Variants in EDRF1 observed in about 807,000 individuals in gnomAD.
EDRF1 encodes erythroid differentiation-related factor 1.
A neutral mutation model predicts 148.7 loss-of-function variants in EDRF1; 69 were observed. The observed-to-expected ratio is 0.46, with a 90% CI of 0.38 to 0.57. The LOEUF is 0.57. EDRF1 is among the 20% of genes least tolerant of loss of function. The pLI is 0.00. For synonymous variants in EDRF1, 515 were observed against 532.8 expected, an observed-to-expected ratio of 0.97 and a Z score of 0.46; for missense variants, 1,118 against 1,478.7, an observed-to-expected ratio of 0.76 and a Z score of 4.00.
At chr10:125,736,069 G>A (rs1049702849) in intron 13 of EDRF1, among the ~76,000 whole-genome samples, 165 bp downstream of exon 13, 1 of 152,062 alleles carries the variant, frequency 6.6e-6, no homozygotes, top group African/African-American at 2.4e-5. Flanking sequence ...ATAATTGTTC[G>A]AGGGTAACTG....
chr10:125,719,941 G>T, intron 1 of EDRF1, 26 bp downstream of exon 1: 2 of 1,598,830 alleles, frequency 1.3e-6, no homozygotes, highest in South Asian at 1.1e-5. Context: ...AGGGGGACCT[G>T]CCAGGGATGT....
At position 125,721,059 on chromosome 10, in the gene EDRF1, C is replaced by G. The variant is rs777555809; in HGVS notation, c.109-145C>G. 10 of 777,944 alleles carry G rather than the reference C, an allele frequency of 1.3e-5. No homozygotes were observed. In the African/African-American group the frequency reaches 1.4e-4, roughly 11 times the overall value. 48.2% of individuals were successfully genotyped at this position (777,944 alleles called of 1,614,324 possible). Reference sequence around the variant, plus strand: ...AACTAAGTAAATGTTACCATTTATGCTCAAATTTATTAAGTGCTGTTAGTA... The same window carrying G: ...AACTAAGTAAATGTTACCATTTATGGTCAAATTTATTAAGTGCTGTTAGTA... On this transcript the variant is annotated intron_variant, in intron 1 of 24. Coordinates refer to ENST00000356792, the MANE Select transcript of EDRF1 (RefSeq NM_001202438.2).
chr10:125,747,344 A>T, intron 19 of EDRF1, 192 bp from the exon 20 acceptor site: 1 of 669,476 alleles, frequency 1.5e-6, no homozygotes, highest in South Asian at 1.9e-5. Context: ...TCTTCAGTCT[A>T]CTCGGAATAA....
chr10:125,744,550 C>G (rs1239775626), intron 18 of EDRF1, among the ~76,000 whole-genome samples: 1 of 152,090 alleles, frequency 6.6e-6, no homozygotes, highest in African/African-American at 2.4e-5. Flanking sequence ...TCAAAGAGTT[C>G]ATTGCTAGTG....
intron 24 of EDRF1, among the ~76,000 whole-genome samples, chr10:125,759,632 A>G (rs575074027): frequency 6.6e-6 from 1 of 152,188 alleles, no homozygotes; most frequent in Admixed American, 6.5e-5. Context: ...AACTCTTTAA[A>G]AAAAAGAAAA....
At chr10:125,762,462 A>G (rs1392142854) in intron 24 of EDRF1, among the ~76,000 whole-genome samples, 1 of 151,264 alleles carries the variant, frequency 6.6e-6, no homozygotes, top group Non-Finnish European at 1.5e-5. Context: ...TGGTTATGTG[A>G]GCCAGGGGTC....
chr10:125,745,598 GC>G lies in EDRF1; in HGVS notation c.2591-107del, dbSNP rs569916391. ...GTGGTTGACTGCAGGTGACTGGCTC[GC>G]CACCACACTCCTGTCACTGCCATCC... On this transcript the variant is annotated intron_variant, in intron 18 of 24. Coordinates refer to ENST00000356792, the MANE Select transcript of EDRF1 (RefSeq NM_001202438.2). 2.9e-3 allele frequency: 3,294 copies of G among 1,145,768 alleles called. 20 individuals carry two copies. The highest frequency in any genetic ancestry group is 2.6e-3 in the Non-Finnish European group (2,043 of 786,162). 71.0% of individuals were successfully genotyped at this position (1,145,768 alleles called of 1,614,324 possible). A position where few individuals can be genotyped will look rare whatever the true frequency, so the allele number is the denominator to read the frequency against.
intron 22 of EDRF1, among the ~76,000 whole-genome samples, chr10:125,750,782 T>C (rs181193485): frequency 1.2e-4 from 18 of 152,342 alleles, no homozygotes; most frequent in African/African-American, 4.1e-4. Context: ...TGCTGGCATA[T>C]AACGCATGGC....
At position 125,725,340 on chromosome 10, in the gene EDRF1, AAG is replaced by A. The variant is rs1848206635; in HGVS notation, c.536_537del (p.Glu179ValfsTer7). On this transcript the variant is annotated frameshift_variant, in exon 5 of 25. Transcript: ENST00000356792. LOFTEE classifies it high-confidence loss of function. ...CAGACTGGTGACTGGACATGGTTGA[AAG>A]AGTTTTATCAAAGACTCATTGATCA... 2 of 1,614,066 alleles carry A rather than the reference AAG, an allele frequency of 1.2e-6. No homozygotes were observed. The highest frequency in any genetic ancestry group is 3.3e-4 in the Middle Eastern group (2 of 6,062).
intron 19 of EDRF1, 122 bp downstream of exon 19, chr10:125,746,052 CCAGA>C: frequency 1.2e-6 from 1 of 850,202 alleles, no homozygotes; most frequent in Non-Finnish European, 1.9e-6. Flanking sequence ...TGATACAACA[CCAGA>C]CAGATCGTGA....
chr10:125,758,426 T>G (rs982640499), intron 24 of EDRF1, among the ~76,000 whole-genome samples: 7 of 152,230 alleles, frequency 4.6e-5, no homozygotes, highest in African/African-American at 1.7e-4. Flanking sequence ...GGACACCTTA[T>G]GTATGATAGT....
At chr10:125,744,304 G>A (rs4962486) in intron 18 of EDRF1, among the ~76,000 whole-genome samples, 1 of 150,884 alleles carries the variant, frequency 6.6e-6, no homozygotes, top group Non-Finnish European at 1.5e-5. Context: ...CCACAGCCTC[G>A]AACTCCTGGG....
chr10:125,753,745 C>T lies in EDRF1; in HGVS notation c.3445C>T (p.Arg1149Ter). ...TGCTGATGCTTCTCCTAGTCTCAAT[C>T]GAGAAGAAGTGATGAAACTCCTCAG... Reference protein sequence around the residue: ...AAADASPSLNREEVMKLLSIF... With the variant: ...AAADASPSLN Residue 1149 changes from arginine to a stop codon, truncating the protein, a stop_gained, in exon 24 of 25, where the codon CGA (arginine) becomes TGA (stop). Transcript: ENST00000356792. LOFTEE classifies it high-confidence loss of function. The T allele has an allele frequency of 6.2e-7, 1 of 1,613,766 alleles. No homozygotes were observed. Among genetic ancestry groups the T allele is most frequent in the Non-Finnish European group, 8.5e-7 (1 of 1,179,984 alleles).
At chr10:125,728,769 T>A (rs775067244) in intron 6 of EDRF1, among the ~76,000 whole-genome samples, 4 of 152,200 alleles carry the variant, frequency 2.6e-5, no homozygotes, top group Admixed American at 6.5e-5. Context: ...TAGAATAATC[T>A]TTAATCTATC....
At chr10:125,749,651 A>G in intron 22 of EDRF1, 86 bp downstream of exon 22, 1 of 1,486,580 alleles carries the variant, frequency 6.7e-7, no homozygotes, top group East Asian at 2.3e-5. Context: ...GTGAATCTAA[A>G]TAATACTATT....
chr10:125,719,967 G>A, intron 1 of EDRF1, 52 bp downstream of exon 1: 2 of 1,531,614 alleles, frequency 1.3e-6, no homozygotes, highest in East Asian at 4.6e-5. Flanking sequence ...CGGAGGACCC[G>A]CTCCACCGGG....
intron 10 of EDRF1, 24 bp downstream of exon 10, chr10:125,733,575 T>G: frequency 6.2e-7 from 1 of 1,608,092 alleles, no homozygotes. Flanking sequence ...ACTTCTTGAG[T>G]GAACAATAAT....
chr10:125,725,464 T>G (rs753698799), intron 5 of EDRF1, 22 bp downstream of exon 5: 8 of 1,613,494 alleles, frequency 5.0e-6, no homozygotes. Context: ...CTTATTTATC[T>G]CTAAAGAGAA....
chr10:125,744,574 A>G (rs891726165), intron 18 of EDRF1, among the ~76,000 whole-genome samples: 1 of 152,124 alleles, frequency 6.6e-6, no homozygotes, highest in Non-Finnish European at 1.5e-5. Context: ...GAACCTGTGC[A>G]TTTACGGTGC....
Sources: allele counts gnomAD v4.1 joint callset (sites outside exome capture counted in the v4.1 genomes callset), GRCh38; gene constraint gnomAD v4.1.1; transcripts MANE v1.5; gene names NCBI Gene and HGNC (gene_info 2026-07-23, HGNC 2026-07-21).